PHF3: variants seen among roughly 807,000 people sequenced by gnomAD.
PHF3 encodes the protein PHD finger protein 3.
In PHF3, 41 loss-of-function variants were observed where a neutral mutation model predicts 178.4. The ratio of observed to expected loss-of-function variants is 0.23; its 90% CI spans 0.18 to 0.30. The LOEUF (loss-of-function observed/expected upper bound fraction) is 0.30, where lower values mean the gene tolerates loss of function less well. Among genes scored for constraint, PHF3 ranks in the 10% least tolerant of loss-of-function variants. PHF3 has a pLI of 1.00. For missense variants in PHF3, 2,346 were observed against 2,398.1 expected (o/e 0.98, Z 0.45); for synonymous variants, 842 against 800.5 (o/e 1.05, Z -0.88).
intron 2 of PHF3, chr6:63,679,612 T>A (rs1470378634): frequency 3.3e-6 from 1 of 305,828 alleles, no homozygotes; most frequent in African/African-American, 2.2e-5. Context: ...GATTCTAGCA[T>A]GAACCTAGAA....
intron 2 of PHF3, among the ~76,000 whole-genome samples, chr6:63,669,574 A>G (rs537166141): frequency 6.6e-6 from 1 of 152,350 alleles, no homozygotes; most frequent in African/African-American, 2.4e-5. Flanking sequence ...ATAAGGGACT[A>G]CACTCTTAAA....
At chr6:63,653,332 G>A (rs1765102056) in intron 2 of PHF3, among the ~76,000 whole-genome samples, 2 of 151,752 alleles carry the variant, frequency 1.3e-5, no homozygotes, top group Non-Finnish European at 2.9e-5. Flanking sequence ...AACGTTGGAT[G>A]TCTTTCCATT....
chr6:63,677,281 T>G (rs1766209688), intron 2 of PHF3, among the ~76,000 whole-genome samples: 1 of 151,992 alleles, frequency 6.6e-6, no homozygotes, highest in African/African-American at 2.4e-5. Flanking sequence ...TGAGTGAGTA[T>G]GAGTGTAGAT....
intron 2 of PHF3, among the ~76,000 whole-genome samples, chr6:63,679,400 TCTA>T (rs1766326439): frequency 1.3e-5 from 2 of 152,122 alleles, no homozygotes; most frequent in South Asian, 2.1e-4. Flanking sequence ...ATATTAAACA[TCTA>T]CTATTTTCTC....
chr6:63,711,172 T>G lies in PHF3; in HGVS notation c.3807T>G (p.Ile1269Met). 1 of 1,584,650 alleles carries G rather than the reference T, an allele frequency of 6.3e-7. No homozygotes were observed. The highest frequency in any genetic ancestry group is 8.6e-7 in the Non-Finnish European group (1 of 1,165,404). Residue 1269 changes from isoleucine (I) to methionine (M), a missense_variant, in exon 15 of 16, where the codon ATT becomes ATG. Physicochemically the swap from Ile to Met is conservative, Grantham distance 10. Transcript: ENST00000262043. ...TTTGTTATTTTCTTGAACAGGAAATTTGTGTGGTTCGCTTCACACCAGTAA... is the reference window on the plus strand; with the variant it reads ...TTTGTTATTTTCTTGAACAGGAAATGTGTGTGGTTCGCTTCACACCAGTAA... Reference protein sequence around the residue: ...EKIKASGTKEICVVRFTPVTE... With the variant: ...EKIKASGTKEMCVVRFTPVTE...
intron 11 of PHF3, among the ~76,000 whole-genome samples, chr6:63,705,358 C>T (rs754216535): frequency 1.3e-5 from 2 of 152,206 alleles, no homozygotes; most frequent in African/African-American, 2.4e-5. Flanking sequence ...CAAACCTGTA[C>T]GGTCCATGGC....
At chr6:63,694,267 T>A (rs1447490590) in intron 5 of PHF3, among the ~76,000 whole-genome samples, 2 of 152,232 alleles carry the variant, frequency 1.3e-5, no homozygotes, top group Non-Finnish European at 2.9e-5. Flanking sequence ...GAACTTAATT[T>A]CATTTGTTTT....
At chr6:63,641,682 G>T (rs1431248738) in intron 1 of PHF3, among the ~76,000 whole-genome samples, 1 of 151,672 alleles carries the variant, frequency 6.6e-6, no homozygotes, top group Non-Finnish European at 1.5e-5. Flanking sequence ...TTGTCTTCCA[G>T]GCTGGAGTGC....
At position 63,721,786 on chromosome 6, in the gene PHF3, A is replaced by G; in HGVS notation, c.*8078A>G. The G allele has an allele frequency of 6.5e-7, 1 of 1,541,188 alleles. No individual in the cohort carries two copies. The highest frequency in any genetic ancestry group is 8.8e-7 in the Non-Finnish European group (1 of 1,141,780). ...ACGGAACTATTTACTAAAGAGATGC[A>G]TAAAAAATCACCTGCAAGAAAGCAA... On this transcript the variant is annotated 3_prime_UTR_variant, in exon 16 of 16. Coordinates refer to ENST00000262043, the MANE Select transcript of PHF3 (RefSeq NM_001370348.2).
chr6:63,697,185 A>G (rs1767267797), intron 6 of PHF3, among the ~76,000 whole-genome samples: 1 of 152,188 alleles, frequency 6.6e-6, no homozygotes, highest in South Asian at 2.1e-4. Flanking sequence ...CAGAAAGGTA[A>G]AGCTCATCCA....
intron 1 of PHF3, among the ~76,000 whole-genome samples, chr6:63,646,240 A>G (rs1017109688): frequency 2.6e-5 from 4 of 152,176 alleles, no homozygotes; most frequent in African/African-American, 9.6e-5. Flanking sequence ...TTAATGGACT[A>G]TATACATAGT....
chr6:63,642,084 T>C (rs968341485), intron 1 of PHF3, among the ~76,000 whole-genome samples: 4 of 152,246 alleles, frequency 2.6e-5, no homozygotes, highest in African/African-American at 9.6e-5. Flanking sequence ...ATGAAACATA[T>C]TTTAAAGCAG....
Position 63,667,681 on chromosome 6 carries a change from T to C in PHF3, c.245-12319T>C, listed in dbSNP as rs572996261. On this transcript the variant is annotated intron_variant, in intron 2 of 15. Coordinates refer to ENST00000262043, the MANE Select transcript of PHF3 (RefSeq NM_001370348.2). Reference sequence around the variant, plus strand: ...TTGTAATCAAGGACCTAGTTTGGCATTTAGTTGTATTTCCGAAGTCTCTGC... The same window carrying C: ...TTGTAATCAAGGACCTAGTTTGGCACTTAGTTGTATTTCCGAAGTCTCTGC... Among the ~76,000 whole-genome samples, 41 of 152,314 alleles carry C rather than the reference T, an allele frequency of 2.7e-4. 1 individual carries two copies. In the South Asian group the frequency reaches 8.3e-3, roughly 31 times the overall value.
chr6:63,678,051 C>T (rs1265449120), intron 2 of PHF3, among the ~76,000 whole-genome samples: 3 of 151,700 alleles, frequency 2.0e-5, no homozygotes, highest in African/African-American at 2.4e-5. Context: ...GGCTAAACCC[C>T]GTCTCTACTA....
chr6:63,684,937 G>A lies in PHF3; in HGVS notation c.1215G>A (p.Ala405=), dbSNP rs764463727. Residue 405 remains alanine (A), a synonymous_variant, in exon 4 of 16, where the codon GCG becomes GCA. Coordinates refer to ENST00000262043, the MANE Select transcript of PHF3 (RefSeq NM_001370348.2). The part of the protein sequence containing the change: ...KIEPLGYCED[A]ESNRQLESTE... ...AACCGTTGGGTTATTGTGAAGATGC[G>A]GAGTCTAATAGGCAGTTGGAGAGCA... The A allele has an allele frequency of 1.1e-5, 17 of 1,613,886 alleles. No individual in the cohort carries two copies. Among genetic ancestry groups the A allele is most frequent in the Middle Eastern group, 1.6e-4 (1 of 6,084 alleles).
chr6:63,665,485 T>G, intron 2 of PHF3, among the ~76,000 whole-genome samples: 1 of 133,658 alleles, frequency 7.5e-6, no homozygotes, highest in Admixed American at 7.8e-5. Flanking sequence ...GGTTTTTTTT[T>G]GTTTTTTTTT....
intron 2 of PHF3, among the ~76,000 whole-genome samples, chr6:63,674,130 C>A (rs1328390327): frequency 1.3e-5 from 2 of 151,808 alleles, no homozygotes; most frequent in Admixed American, 1.3e-4. Flanking sequence ...TATAAATCCA[C>A]ACAGTATTCA....
chr6:63,721,475 G>T lies in PHF3; in HGVS notation c.*7767G>T, dbSNP rs766969858. The T allele has an allele frequency of 3.2e-6, 5 of 1,551,458 alleles. No individual in the cohort carries two copies. In the South Asian group the frequency reaches 5.9e-5, roughly 18 times the overall value. On this transcript the variant is annotated 3_prime_UTR_variant, in exon 16 of 16. Coordinates refer to ENST00000262043, the MANE Select transcript of PHF3 (RefSeq NM_001370348.2). ...TTAATTGTAATTCTTGATTATTTAT[G>T]ATAACTTGTCGGATACAGCCTTGAA...
chr6:63,693,479 G>C (rs1295833421), intron 5 of PHF3, among the ~76,000 whole-genome samples: 3 of 152,194 alleles, frequency 2.0e-5, no homozygotes, highest in African/African-American at 7.2e-5. Context: ...GCCGAGCATG[G>C]TGGTGCATGC....
Sources: gnomAD v4.1 joint callset for allele counts (sites outside exome capture counted in the v4.1 genomes callset) on GRCh38, gnomAD v4.1.1 for gene constraint, MANE v1.5 for transcripts, NCBI Gene and HGNC (gene_info 2026-07-23, HGNC 2026-07-21) for gene names.